Variants in SYTL2 observed in about 807,000 individuals in gnomAD.
SYTL2 encodes synaptotagmin-like protein 2.
In SYTL2, 165 loss-of-function variants were observed where a neutral mutation model predicts 198.7. That is an observed-to-expected ratio of 0.83 (90% CI 0.73 to 0.94). The LOEUF is 0.94. Among genes scored for constraint, SYTL2 ranks in the 40% least tolerant of loss-of-function variants. The probability of loss-of-function intolerance (pLI) is 0.00; values close to 1 mark genes in which losing one functional copy is unlikely to be tolerated. For synonymous variants in SYTL2, 966 were observed against 917.7 expected (o/e 1.05, Z -0.95); for missense variants, 2,835 against 2,582.8 (o/e 1.10, Z -2.12).
intron 1 of SYTL2, among the ~76,000 whole-genome samples, chr11:85,778,403 T>C (rs2092497020): frequency 6.6e-6 from 1 of 152,204 alleles, no homozygotes; most frequent in Non-Finnish European, 1.5e-5. Flanking sequence ...AGTGACTTTC[T>C]ACCAAAGAGA....
intron 10 of SYTL2, 45 bp from the exon 11 acceptor site, chr11:85,717,575 A>C (rs1380192004): frequency 6.8e-7 from 1 of 1,477,350 alleles, no homozygotes; most frequent in Non-Finnish European, 9.5e-7. Context: ...TTTTAACAGA[A>C]GGATTAAAGA....
At chr11:85,721,141 A>C (rs2088255930) in intron 8 of SYTL2, among the ~76,000 whole-genome samples, 182 bp from the exon 9 acceptor site, 1 of 152,194 alleles carries the variant, frequency 6.6e-6, no homozygotes, top group Non-Finnish European at 1.5e-5. Context: ...CTTAAACATA[A>C]TTTTCCTGGT....
chr11:85,726,566 A>C lies in SYTL2; in HGVS notation c.2792T>G (p.Leu931Arg), dbSNP rs2089206922. Residue 931 changes from leucine to arginine, a missense_variant, in exon 8 of 20, where the codon CTG becomes CGG. By Grantham distance (102) the Leu-to-Arg change is moderately radical (BLOSUM62 -2). Transcript: ENST00000359152. ...PSRRNITLPA[L>R]QPPSNVGSER... ...ACTCCCGACATTTGAGGGAGGTTGC[A>C]GTGCTGGTAAAGTAATGTTTCTTCT... The C allele has an allele frequency of 1.9e-6, 3 of 1,589,568 alleles. No homozygotes were observed. Among genetic ancestry groups the C allele is most frequent in the Non-Finnish European group, 2.6e-6 (3 of 1,173,632 alleles).
chr11:85,767,772 G>A (rs886189221), intron 1 of SYTL2, among the ~76,000 whole-genome samples: 1 of 152,138 alleles, frequency 6.6e-6, no homozygotes, highest in Non-Finnish European at 1.5e-5. Flanking sequence ...GATTTAAATG[G>A]CCTGGGGTGA....
In SYTL2 at chr11:85,726,231, T is replaced by C. The variant is rs973255299; in HGVS notation, c.3127A>G (p.Lys1043Glu). The change falls in exon 8 of 20, where the codon AAA becomes GAA. Residue 1043 changes from lysine (K) to glutamate (E), a missense_variant. Around this residue, in one of 3 missense-constraint regions of SYTL2, gnomAD observed 2,645 missense variants for 2,381.7 expected, o/e 1.11. Coordinates refer to ENST00000359152, the MANE Select transcript of SYTL2 (RefSeq NM_206927.4). ...ATTTCCTCTCTTGCCATAACTTTTT[T>C]TGGGCTTAGAAGCACCTCTGCTTCA... ...THEAEVLLSP[K>E]KVMAREEMEK... 1.2e-6 allele frequency: 2 copies of C among 1,613,072 alleles called. No homozygotes were observed. The highest frequency in any genetic ancestry group is 2.7e-5 in the African/African-American group (2 of 74,834).
Position 85,727,763 on chromosome 11 carries a change from G to T in SYTL2, c.1595C>A (p.Ser532Ter). Reference sequence around the variant, plus strand: ...TTGGAGGAATGACTTATTGTCATCTGAATAAGAACTTCGGTTAAACCAGTC... The same window carrying T: ...TTGGAGGAATGACTTATTGTCATCTTAATAAGAACTTCGGTTAAACCAGTC... ...VLDWFNRSSY[S>*]DDNKSFLQHP... The change falls in exon 8 of 20, where the codon TCA becomes TAA. Residue 532 changes from serine (S) to a stop codon, truncating the protein, a stop_gained. Coordinates refer to ENST00000359152, the MANE Select transcript of SYTL2 (RefSeq NM_206927.4). LOFTEE classifies it high-confidence loss of function. 6.4e-7 allele frequency: 1 copy of T among 1,565,838 alleles called. No homozygotes were observed. The highest frequency in any genetic ancestry group is 1.4e-5 in the African/African-American group (1 of 73,816).
chr11:85,750,814 G>A (rs947507047), intron 2 of SYTL2, among the ~76,000 whole-genome samples: 2 of 152,074 alleles, frequency 1.3e-5, no homozygotes, highest in Non-Finnish European at 2.9e-5. Context: ...GATGCAGCAG[G>A]ACATGCTCAT....
chr11:85,802,523 C>T (rs918120732), intron 1 of SYTL2, among the ~76,000 whole-genome samples: 1 of 152,172 alleles, frequency 6.6e-6, no homozygotes, highest in African/African-American at 2.4e-5. Flanking sequence ...GCTCTCTCAG[C>T]AATCTCACAA....
At chr11:85,739,607 C>G (rs746026781) in intron 4 of SYTL2, among the ~76,000 whole-genome samples, 11 of 152,138 alleles carry the variant, frequency 7.2e-5, no homozygotes, top group Non-Finnish European at 1.5e-4. Context: ...TAATGTTTTG[C>G]TTGTCTGTCT....
rs1190850784 is a variant in SYTL2 at position 85,724,480 on chromosome 11, A to T, written c.4878T>A (p.Asn1626Lys). 3 of 1,613,700 alleles carry T rather than the reference A, an allele frequency of 1.9e-6. No homozygotes were observed. Among genetic ancestry groups the T allele is most frequent in the East Asian group, 4.5e-5 (2 of 44,894 alleles). Reference sequence around the variant, plus strand: ...ATTGGTTGACTTGAGATTCCAAACCATTACTTTTATCCTTCATTTCAGAGG... The same window carrying T: ...ATTGGTTGACTTGAGATTCCAAACCTTTACTTTTATCCTTCATTTCAGAGG... Reference protein sequence around the residue: ...SQTSEMKDKSNGLESQVNQCD... With the variant: ...SQTSEMKDKSKGLESQVNQCD... The change falls in exon 8 of 20, where the codon AAT (asparagine) becomes AAA (lysine). Residue 1626 changes from asparagine (N) to lysine (K), a missense_variant. Physicochemically the swap from Asn to Lys is moderately conservative, Grantham distance 94. This residue lies in a region of SYTL2 where 2,645 missense variants were observed against 2,381.7 expected (regional missense o/e 1.11). Transcript: ENST00000359152.
At chr11:85,713,264 AAG>A (rs1236044913) in intron 12 of SYTL2, among the ~76,000 whole-genome samples, 1 of 152,174 alleles carries the variant, frequency 6.6e-6, no homozygotes, top group Non-Finnish European at 1.5e-5. Flanking sequence ...TCCATCTACT[AAG>A]AGAATTCTTG....
intron 1 of SYTL2, among the ~76,000 whole-genome samples, chr11:85,770,446 A>C (rs1264440933): frequency 1.3e-5 from 2 of 151,842 alleles, no homozygotes; most frequent in Non-Finnish European, 2.9e-5. Flanking sequence ...CCAAAGCACC[A>C]CTCTCATCAT....
rs576295205 is a variant in SYTL2 at position 85,735,762 on chromosome 11, A to G, written c.586+739T>C. Among the ~76,000 whole-genome samples, 235 of 152,232 alleles carry G rather than the reference A, an allele frequency of 1.5e-3. 1 individual carries two copies. Among genetic ancestry groups the G allele is most frequent in the African/African-American group, 5.5e-3 (228 of 41,546 alleles). Reference sequence around the variant, plus strand: ...ATAGAGTGGGACTCCATGGCCAAAAAAAAAAAAGAAAAGTTAAAAACAAAC... The same window carrying G: ...ATAGAGTGGGACTCCATGGCCAAAAGAAAAAAAGAAAAGTTAAAAACAAAC... On this transcript the variant is annotated intron_variant, in intron 6 of 19. Transcript: ENST00000359152.
At chr11:85,743,334 C>T (rs1215506503) in intron 4 of SYTL2, among the ~76,000 whole-genome samples, 2 of 152,196 alleles carry the variant, frequency 1.3e-5, no homozygotes, top group African/African-American at 2.4e-5. Context: ...ATAGCTCATT[C>T]TAACTTTCTG....
chr11:85,815,890 A>G (rs1285897113), upstream of SYTL2, among the ~76,000 whole-genome samples: 1 of 152,230 alleles, frequency 6.6e-6, no homozygotes, highest in Non-Finnish European at 1.5e-5. Context: ...CTGGCTGGGC[A>G]CGGTGACTCA....
rs757373987 is a variant in SYTL2, at chr11:85,726,164, T to G, written c.3194A>C (p.Asp1065Ala). The change falls in exon 8 of 20, where the codon GAT becomes GCT. Residue 1065 changes from aspartate to alanine, a missense_variant. By Grantham distance (126) the Asp-to-Ala change is moderately radical (BLOSUM62 -2). Around this residue, in one of 3 missense-constraint regions of SYTL2, gnomAD observed 2,645 missense variants for 2,381.7 expected, o/e 1.11. Transcript: ENST00000359152. ...NSKGILQVLP[D>A]EITFPLSPLR... ...TGGACTCAAAGGAAATGTGATTTCA[T>G]CTGGTAGCACCTGGAGTATGCCCTT... The G allele has an allele frequency of 4.3e-6, 7 of 1,613,976 alleles. No homozygotes were observed. The African/African-American group carries it at 9.3e-5, about 22-fold the overall frequency.
chr11:85,720,496 T>C (rs970236818), intron 9 of SYTL2, among the ~76,000 whole-genome samples: 2 of 152,202 alleles, frequency 1.3e-5, no homozygotes, highest in East Asian at 3.8e-4. Flanking sequence ...ACATGTAAAA[T>C]TGTTAGGCAC....
upstream of SYTL2, among the ~76,000 whole-genome samples, chr11:85,814,475 T>C (rs774521094): frequency 1.3e-5 from 2 of 152,192 alleles, no homozygotes; most frequent in African/African-American, 4.8e-5. Context: ...AGGTAGGGCA[T>C]GGGCCTGAAA....
chr11:85,784,869 AT>A (rs2092612592), intron 1 of SYTL2, among the ~76,000 whole-genome samples: 1 of 152,132 alleles, frequency 6.6e-6, no homozygotes, highest in Admixed American at 6.5e-5. Flanking sequence ...AGAAAAAAAA[AT>A]GTTCCTATCA....
Sources: allele counts gnomAD v4.1 joint callset (sites outside exome capture counted in the v4.1 genomes callset), GRCh38; gene constraint gnomAD v4.1.1; regional missense constraint gnomAD v4.1.1; transcripts MANE v1.5; gene names NCBI Gene and HGNC (gene_info 2026-07-23, HGNC 2026-07-21).